Variants in MVB12B observed in about 807,000 individuals in gnomAD.
MVB12B encodes multivesicular body subunit 12B.
In MVB12B, 16 loss-of-function variants were observed where a neutral mutation model predicts 41.6. The ratio of observed to expected loss-of-function variants is 0.38; its 90% CI spans 0.26 to 0.58. The LOEUF is 0.58. MVB12B is among the 20% of genes least tolerant of loss of function. The pLI is 0.62. For missense variants in MVB12B, 274 were observed against 380.2 expected (o/e 0.72, Z 2.32); for synonymous variants, 133 against 139.7 (o/e 0.95, Z 0.34).
intron 7 of MVB12B, among the ~76,000 whole-genome samples, chr9:126,467,961 CAT>C (rs997981769): frequency 3.7e-4 from 57 of 152,324 alleles, no homozygotes; most frequent in African/African-American, 1.0e-3. Context: ...TGTATGCACA[CAT>C]GTGTGTAGAG....
At chr9:126,427,083 A>C (rs919229372) in intron 7 of MVB12B, 5 of 152,366 alleles carry the variant, frequency 3.3e-5, no homozygotes, top group South Asian at 2.1e-4. Context: ...ACTGGACATG[A>C]ATGAGAGAAA....
At chr9:126,425,992 A>G (rs1263465730) in intron 7 of MVB12B, among the ~76,000 whole-genome samples, 1 of 152,258 alleles carries the variant, frequency 6.6e-6, no homozygotes, top group Non-Finnish European at 1.5e-5. Context: ...AGTTGGACAA[A>G]AATAAAAAGA....
intron 6 of MVB12B, chr9:126,397,119 C>T: frequency 1.0e-6 from 1 of 985,538 alleles, no homozygotes; most frequent in Non-Finnish European, 1.2e-6. Context: ...CAAGTGTGGG[C>T]TCCTTGCAGA....
At chr9:126,398,738 G>A (rs1317093833) in intron 6 of MVB12B, among the ~76,000 whole-genome samples, 2 of 151,532 alleles carry the variant, frequency 1.3e-5, no homozygotes, top group Non-Finnish European at 2.9e-5. Flanking sequence ...TTTCGCCGCA[G>A]AGCCCTGGCC....
At position 126,392,244 on chromosome 9, in the gene MVB12B, C is replaced by T. The variant is rs754839132; in HGVS notation, c.539+49C>T. The T allele has an allele frequency of 1.0e-5, 16 of 1,606,478 alleles. No individual in the cohort carries two copies. Among genetic ancestry groups the T allele is most frequent in the African/African-American group, 1.3e-5 (1 of 74,762 alleles). ...CAGCTGCTTCTCTTCCCTGAGAGCA[C>T]TCAGGCCACTCCAGGCAATGAGGTC... On this transcript the variant is annotated intron_variant, in intron 5 of 9. Transcript: ENST00000361171. This position sits in a 1 kb window ranked among gnomAD's most constrained non-coding sequence, Gnocchi z 4.8.
chr9:126,420,874 C>A (rs1831992867), intron 6 of MVB12B, among the ~76,000 whole-genome samples: 1 of 152,086 alleles, frequency 6.6e-6, no homozygotes, highest in African/African-American at 2.4e-5. Flanking sequence ...AGCAGTCATT[C>A]TAGGTCACAC....
In MVB12B at chr9:126,418,203, G is replaced by A. The variant is rs531924248; in HGVS notation, c.663-3651G>A. On this transcript the variant is annotated intron_variant, in intron 6 of 9. Coordinates refer to ENST00000361171, the MANE Select transcript of MVB12B (RefSeq NM_033446.3). ...GTGGGCAGAAAGAATCATCTCCAAC[G>A]AGGGAAGAGAACCTGGGGCGGGGGT... Among the ~76,000 whole-genome samples, 282 of 152,020 alleles carry A rather than the reference G, an allele frequency of 1.9e-3. 1 individual carries two copies. Among genetic ancestry groups the A allele is most frequent in the African/African-American group, 6.7e-3 (277 of 41,448 alleles).
intron 7 of MVB12B, among the ~76,000 whole-genome samples, chr9:126,430,086 C>T (rs1288162000): frequency 1.3e-5 from 2 of 152,214 alleles, no homozygotes; most frequent in African/African-American, 4.8e-5. Context: ...GTGCCCAGCC[C>T]TTACTTGACT....
intron 2 of MVB12B, among the ~76,000 whole-genome samples, chr9:126,377,474 C>T (rs1190768399): frequency 6.6e-6 from 1 of 152,154 alleles, no homozygotes; most frequent in Non-Finnish European, 1.5e-5. Flanking sequence ...AGGGGATTCA[C>T]TCAGCTCAAT....
At chr9:126,476,960 G>A (rs1833435550) in intron 7 of MVB12B, among the ~76,000 whole-genome samples, 2 of 151,170 alleles carry the variant, frequency 1.3e-5, no homozygotes, top group Non-Finnish European at 1.5e-5. Flanking sequence ...ATATATATTT[G>A]TGTGTTAGGC....
At chr9:126,363,225 C>A (rs1454445072) in intron 2 of MVB12B, among the ~76,000 whole-genome samples, 1 of 152,140 alleles carries the variant, frequency 6.6e-6, no homozygotes, top group African/African-American at 2.4e-5. Context: ...AAATAGATTT[C>A]TCTTACATTC....
intron 7 of MVB12B, among the ~76,000 whole-genome samples, chr9:126,446,568 T>G (rs1353902750): frequency 6.6e-6 from 1 of 151,750 alleles, no homozygotes. Context: ...CTAGGGGCAT[T>G]TTGAGGAGAT....
At chr9:126,404,659 C>T (rs1331861718) in intron 6 of MVB12B, among the ~76,000 whole-genome samples, 4 of 150,970 alleles carry the variant, frequency 2.6e-5, no homozygotes, top group African/African-American at 4.9e-5. Flanking sequence ...CTTAGGGAGA[C>T]GTGTGAACTT....
chr9:126,501,352 C>CAGGAG (rs1363947773), intron 9 of MVB12B, among the ~76,000 whole-genome samples: 1 of 152,198 alleles, frequency 6.6e-6, no homozygotes, highest in Non-Finnish European at 1.5e-5. Flanking sequence ...TCACTGAGGG[C>CAGGAG]AGGAGAGGAG....
intron 6 of MVB12B, among the ~76,000 whole-genome samples, chr9:126,405,940 G>GTA (rs1831407271): frequency 6.6e-6 from 1 of 150,772 alleles, no homozygotes; most frequent in Non-Finnish European, 1.5e-5. Context: ...ATATATATAT[G>GTA]TACACACCTA....
At chr9:126,388,482 G>A (rs937753466) in intron 4 of MVB12B, among the ~76,000 whole-genome samples, 1 of 152,214 alleles carries the variant, frequency 6.6e-6, no homozygotes, top group African/African-American at 2.4e-5. Flanking sequence ...TGTTAGGAAT[G>A]AGGCTGCTAT....
At chr9:126,488,844 G>A (rs904114674) in intron 9 of MVB12B, among the ~76,000 whole-genome samples, 12 of 152,198 alleles carry the variant, frequency 7.9e-5, no homozygotes, top group South Asian at 2.1e-4. Flanking sequence ...AATCGAAGCC[G>A]AAGCACAGTT....
intron 7 of MVB12B, among the ~76,000 whole-genome samples, chr9:126,432,259 A>G (rs961342960): frequency 1.3e-5 from 2 of 152,246 alleles, no homozygotes; most frequent in Non-Finnish European, 2.9e-5. Flanking sequence ...AGACCTGGCC[A>G]GAGAAATGCT....
intron 9 of MVB12B, among the ~76,000 whole-genome samples, chr9:126,500,966 A>C (rs141840008): frequency 6.6e-6 from 1 of 152,142 alleles, no homozygotes; most frequent in African/African-American, 2.4e-5. Context: ...CTACCTTGGG[A>C]GTCCCGCGCA....
Sources: gnomAD v4.1 joint callset for allele counts (sites outside exome capture counted in the v4.1 genomes callset) on GRCh38, gnomAD v4.1.1 for gene constraint, Gnocchi (gnomAD v3.1) non-coding constraint, MANE v1.5 for transcripts, NCBI Gene and HGNC (gene_info 2026-07-23, HGNC 2026-07-21) for gene names.